The following CFTR variants were observed in gnomAD, a reference collection of about 807,000 sequenced individuals.
CFTR encodes the protein CF transmembrane conductance regulator, also known as cystic fibrosis transmembrane conductance regulator.
CFTR carries 181 observed loss-of-function variants against 171.6 expected under a neutral mutation model. That is an observed-to-expected ratio of 1.05 (90% confidence interval 0.93 to 1.19). The LOEUF is 1.19. Ranked by LOEUF, CFTR falls within the 50% of genes most tolerant of loss-of-function variation. The pLI is 0.00. For missense variants in CFTR, 1,968 were observed against 1,734.7 expected (o/e 1.13, Z -2.39); for synonymous variants, 583 against 608.0 (o/e 0.96, Z 0.60).
intron 10 of CFTR, among the ~76,000 whole-genome samples, chr7:117,551,435 G>A (rs1799269144): frequency 6.6e-6 from 1 of 151,844 alleles, no homozygotes; most frequent in Non-Finnish European, 1.5e-5. Flanking sequence ...TGAAATTTTG[G>A]GTATATTTTA....
chr7:117,563,701 G>A (rs918914650), intron 11 of CFTR, among the ~76,000 whole-genome samples: 9 of 152,170 alleles, frequency 5.9e-5, no homozygotes, highest in Non-Finnish European at 2.9e-5. Flanking sequence ...AGTGGAGGAT[G>A]CCACTAGGTG....
chr7:117,558,067 T>G (rs1799389864), intron 10 of CFTR, among the ~76,000 whole-genome samples: 1 of 152,188 alleles, frequency 6.6e-6, no homozygotes, highest in South Asian at 2.1e-4. Flanking sequence ...CTTTTGATTT[T>G]TTTTTACTAA....
At chr7:117,490,642 T>C (rs1692638436) in intron 1 of CFTR, among the ~76,000 whole-genome samples, 3 of 152,068 alleles carry the variant, frequency 2.0e-5, no homozygotes, top group Admixed American at 1.3e-4. Context: ...AGTTGACACA[T>C]AAAATTAACC....
chr7:117,596,181 G>C (rs1584814372), intron 15 of CFTR, among the ~76,000 whole-genome samples: 3 of 152,124 alleles, frequency 2.0e-5, no homozygotes, highest in Admixed American at 6.5e-5. Flanking sequence ...GGCTGCGGGT[G>C]CCTTGTGGGC....
intron 24 of CFTR, among the ~76,000 whole-genome samples, chr7:117,656,311 A>G (rs1272406087): frequency 6.6e-6 from 1 of 152,176 alleles, no homozygotes; most frequent in Admixed American, 6.5e-5. Flanking sequence ...AGTGATGCTC[A>G]TTCTAGAACA....
At chr7:117,580,523 G>A (rs1316658579) in intron 11 of CFTR, among the ~76,000 whole-genome samples, 2 of 152,080 alleles carry the variant, frequency 1.3e-5, no homozygotes, top group African/African-American at 4.8e-5. Context: ...TCCCATTCAT[G>A]AGGGTATGTC....
rs1793106330 is a variant in CFTR at position 117,652,746 on chromosome 7, A to G, written c.3874-96A>G. 3 of 666,866 alleles carry G rather than the reference A, an allele frequency of 4.5e-6. 1 individual carries two copies. The highest frequency in any genetic ancestry group is 3.7e-5 in the South Asian group (2 of 53,628). The allele number at this position is 666,866 out of a possible 1,614,324, so 41.3% of individuals were successfully genotyped here. A position where few individuals can be genotyped will look rare whatever the true frequency, so the allele number is the denominator to read the frequency against. ...CATGGGTGTTTCTTATTTTAAAATA[A>G]TTTTTCTACTTGAAATATTTTACAA... On this transcript the variant is annotated intron_variant, in intron 23 of 26. Transcript: ENST00000003084.
chr7:117,524,867 A>G (rs1323004540), intron 3 of CFTR, among the ~76,000 whole-genome samples: 2 of 152,246 alleles, frequency 1.3e-5, no homozygotes, highest in Non-Finnish European at 2.9e-5. Flanking sequence ...TGAAAAACAC[A>G]GTGTTAAGTT....
At chr7:117,496,068 A>G (rs1798234312) in intron 1 of CFTR, among the ~76,000 whole-genome samples, 1 of 152,172 alleles carries the variant, frequency 6.6e-6, no homozygotes, top group Non-Finnish European at 1.5e-5. Context: ...CTACAAATGT[A>G]CTTTCCATCT....
chr7:117,647,848 A>G (rs953633890), intron 23 of CFTR, among the ~76,000 whole-genome samples: 2 of 151,802 alleles, frequency 1.3e-5, no homozygotes, highest in Non-Finnish European at 2.9e-5. Context: ...ATTCTCTACC[A>G]TAAACTTAGG....
intron 11 of CFTR, among the ~76,000 whole-genome samples, chr7:117,568,257 GACTGAACTTTAC>G (rs1202019985): frequency 6.6e-6 from 1 of 152,172 alleles, no homozygotes; most frequent in Non-Finnish European, 1.5e-5. Context: ...CCAGTAAGAA[GACTGAACTTTAC>G]ACTGGGGGCC....
chr7:117,573,853 T>A (rs2115980484), intron 11 of CFTR, among the ~76,000 whole-genome samples: 1 of 152,222 alleles, frequency 6.6e-6, no homozygotes, highest in East Asian at 1.9e-4. Flanking sequence ...ACAGGTCAAT[T>A]CATACCCAGC....
intron 1 of CFTR, among the ~76,000 whole-genome samples, chr7:117,489,001 A>G (rs183989785): frequency 6.6e-6 from 1 of 152,128 alleles, no homozygotes; most frequent in South Asian, 2.1e-4. Context: ...GTTGACTCTT[A>G]AATAAATTTA....
intron 1 of CFTR, among the ~76,000 whole-genome samples, chr7:117,491,618 ATC>A (rs977148509): frequency 3.3e-5 from 5 of 151,756 alleles, no homozygotes; most frequent in Admixed American, 1.3e-4. Flanking sequence ...CATCACCCTG[ATC>A]TCTGTTTTCA....
chr7:117,509,127 CT>C lies in CFTR; in HGVS notation c.263del (p.Leu88TyrfsTer3). ...TCTGGAGATTTATGTTCTATGGAATCTTTTTATATTTAGGGGTAAGGATCTC... is the reference window on the plus strand; with the variant it reads ...TCTGGAGATTTATGTTCTATGGAATCTTTTATATTTAGGGGTAAGGATCTC... ...FFWRFMFYGI[F>X]LYLGEVTKAV... On this transcript the variant is annotated frameshift_variant, in exon 3 of 27. Transcript: ENST00000003084. LOFTEE classifies it high-confidence loss of function. The C allele has an allele frequency of 1.3e-6, 2 of 1,579,472 alleles. No individual in the cohort carries two copies. Among genetic ancestry groups the C allele is most frequent in the Non-Finnish European group, 1.7e-6 (2 of 1,148,804 alleles).
intron 20 of CFTR, among the ~76,000 whole-genome samples, chr7:117,612,556 G>A (rs1792424195): frequency 1.3e-5 from 2 of 151,994 alleles, no homozygotes; most frequent in Admixed American, 1.3e-4. Flanking sequence ...TTTATGATAA[G>A]TGTTGAAATA....
intron 10 of CFTR, among the ~76,000 whole-genome samples, chr7:117,556,199 G>A (rs1799350461): frequency 6.6e-6 from 1 of 151,872 alleles, no homozygotes; most frequent in Admixed American, 6.6e-5. Context: ...CAAGTAGCTG[G>A]GACTACAGGC....
intron 1 of CFTR, among the ~76,000 whole-genome samples, chr7:117,495,017 A>G (rs1249304426): frequency 5.3e-5 from 8 of 152,154 alleles, no homozygotes; most frequent in Admixed American, 5.2e-4. Flanking sequence ...ACCCAGTGGC[A>G]TTTCTACTAT....
chr7:117,648,777 G>A (rs1793035687), intron 23 of CFTR, among the ~76,000 whole-genome samples: 1 of 152,080 alleles, frequency 6.6e-6, no homozygotes, highest in South Asian at 2.1e-4. Context: ...TTAGAAAACA[G>A]AACTAAGACA....
Sources: allele counts gnomAD v4.1 joint callset (sites outside exome capture counted in the v4.1 genomes callset), GRCh38; gene constraint gnomAD v4.1.1; transcripts MANE v1.5; gene names NCBI Gene and HGNC (gene_info 2026-07-23, HGNC 2026-07-21).